Variants in GPC6 observed in about 807,000 individuals in gnomAD.
GPC6 encodes the protein glypican-6.
Under a neutral mutation model 55.2 loss-of-function variants are expected in GPC6, and 14 were observed. The ratio of observed to expected loss-of-function variants is 0.25; its 90% CI spans 0.17 to 0.40. GPC6 has a LOEUF of 0.40. Among genes scored for constraint, GPC6 ranks in the 10% least tolerant of loss-of-function variants. The probability of loss-of-function intolerance (pLI) is 1.00; values close to 1 mark genes in which losing one functional copy is unlikely to be tolerated. For missense variants in GPC6, 641 were observed against 708.5 expected, an observed-to-expected ratio of 0.90 and a Z score of 1.08; for synonymous variants, 278 against 259.6, an observed-to-expected ratio of 1.07 and a Z score of -0.68.
chr13:93,292,077 A>G (rs1878336741), intron 1 of GPC6, among the ~76,000 whole-genome samples: 1 of 152,226 alleles, frequency 6.6e-6, no homozygotes, highest in Admixed American at 6.5e-5. Flanking sequence ...GGTTGACAGT[A>G]TTTCACAATG....
intron 2 of GPC6, among the ~76,000 whole-genome samples, chr13:93,582,580 C>T (rs1334318130): frequency 2.0e-5 from 3 of 152,170 alleles, no homozygotes; most frequent in Admixed American, 2.0e-4. Context: ...GATGAAAGAA[C>T]AGACCTTTAG....
chr13:94,289,228 GAC>G (rs1040006276), intron 5 of GPC6, among the ~76,000 whole-genome samples: 1 of 151,790 alleles, frequency 6.6e-6, no homozygotes, highest in Non-Finnish European at 1.5e-5. Context: ...TCTCAAGTCC[GAC>G]AGAGCTTAAA....
chr13:93,630,961 T>A (rs1344129619), intron 2 of GPC6, among the ~76,000 whole-genome samples: 1 of 152,094 alleles, frequency 6.6e-6, no homozygotes, highest in East Asian at 1.9e-4. Context: ...TGGGCCCTAA[T>A]CCAATCTGAC....
intron 1 of GPC6, among the ~76,000 whole-genome samples, chr13:93,386,518 T>C (rs1237132175): frequency 6.6e-6 from 1 of 152,202 alleles, no homozygotes; most frequent in Non-Finnish European, 1.5e-5. Flanking sequence ...TTGTTAAATC[T>C]ACCCAGCTTC....
chr13:94,010,076 A>G (rs545637645), intron 3 of GPC6, among the ~76,000 whole-genome samples: 20 of 152,278 alleles, frequency 1.3e-4, no homozygotes, highest in East Asian at 3.9e-4. Context: ...GCAAAAACAA[A>G]CCCAAATTGA....
intron 2 of GPC6, among the ~76,000 whole-genome samples, chr13:93,700,876 G>A (rs2138794256): frequency 6.6e-6 from 1 of 152,072 alleles, no homozygotes; most frequent in Non-Finnish European, 1.5e-5. Context: ...AGATTATGTG[G>A]GACAAAATAT....
At chr13:93,808,076 G>A (rs1886591383) in intron 2 of GPC6, among the ~76,000 whole-genome samples, 1 of 152,164 alleles carries the variant, frequency 6.6e-6, no homozygotes, top group African/African-American at 2.4e-5. Context: ...TCACCCTAGT[G>A]TCTGTATAAT....
chr13:93,523,456 CACACATAT>C (rs756175687), intron 1 of GPC6, among the ~76,000 whole-genome samples: 1 of 32,344 alleles, frequency 3.1e-5, no homozygotes, highest in Non-Finnish European at 8.1e-5. Context: ...CACACACATA[CACACATAT>C]GACATTTTAC....
intron 4 of GPC6, among the ~76,000 whole-genome samples, chr13:94,158,994 ACT>A (rs1284533561): frequency 1.3e-5 from 2 of 151,554 alleles, no homozygotes; most frequent in African/African-American, 4.9e-5. Flanking sequence ...ACCCTTTCTC[ACT>A]CCCACCTGTA....
intron 3 of GPC6, among the ~76,000 whole-genome samples, chr13:93,949,880 C>T (rs140837901): frequency 3.3e-5 from 5 of 152,188 alleles, no homozygotes; most frequent in African/African-American, 1.2e-4. Context: ...CTGCATACCA[C>T]CACCCCCGGC....
intron 1 of GPC6, among the ~76,000 whole-genome samples, chr13:93,333,893 T>G (rs553256861): frequency 6.6e-6 from 1 of 152,334 alleles, no homozygotes; most frequent in African/African-American, 2.4e-5. Context: ...TTTACTGAAT[T>G]TATCAGTTCT....
At chr13:93,597,457 A>G (rs1877811592) in intron 2 of GPC6, among the ~76,000 whole-genome samples, 1 of 152,180 alleles carries the variant, frequency 6.6e-6, no homozygotes, top group Non-Finnish European at 1.5e-5. Flanking sequence ...GAGCTGTCTG[A>G]CTGGAACCTG....
At chr13:93,693,461 CTGTGTGTG>C (rs35459356) in intron 2 of GPC6, among the ~76,000 whole-genome samples, 5,952 of 139,388 alleles carry the variant, frequency 0.043, 405 homozygotes, top group African/African-American at 0.15. Context: ...GTATGTATAT[CTGTGTGTG>C]TGTGTGTGTG....
At chr13:93,924,174 C>T (rs1423478143) in intron 3 of GPC6, among the ~76,000 whole-genome samples, 2 of 152,336 alleles carry the variant, frequency 1.3e-5, no homozygotes, top group African/African-American at 4.8e-5. Context: ...CCCATTCATA[C>T]ACCCTCTTTA....
intron 1 of GPC6, among the ~76,000 whole-genome samples, chr13:93,487,340 G>C (rs12875060): frequency 6.6e-6 from 1 of 152,140 alleles, no homozygotes; most frequent in South Asian, 2.1e-4. Context: ...ACTAAGCCTA[G>C]TTATTTTTCC....
At position 94,306,132 on chromosome 13, in the gene GPC6, T is replaced by A. The variant is rs794727797; in HGVS notation, c.1152+9T>A. 2 of 1,614,120 alleles carry A rather than the reference T, an allele frequency of 1.2e-6. No homozygotes were observed. Among genetic ancestry groups the A allele is most frequent in the Non-Finnish European group, 1.7e-6 (2 of 1,179,960 alleles). On this transcript the variant is annotated intron_variant, in intron 6 of 8. Coordinates refer to ENST00000377047, the MANE Select transcript of GPC6 (RefSeq NM_005708.5). Reference sequence around the variant, plus strand: ...CAAGCTTGGACCGGCTGGTGAGTATTCACAGATTGATAACCATGGCGGATG... The same window carrying A: ...CAAGCTTGGACCGGCTGGTGAGTATACACAGATTGATAACCATGGCGGATG...
intron 4 of GPC6, among the ~76,000 whole-genome samples, chr13:94,164,886 A>G (rs1050525506): frequency 3.3e-5 from 5 of 152,268 alleles, no homozygotes; most frequent in East Asian, 3.9e-4. Flanking sequence ...CTATTTTAAT[A>G]TAGATAGGAT....
chr13:94,090,135 C>T (rs531498405), intron 4 of GPC6, among the ~76,000 whole-genome samples: 63 of 152,168 alleles, frequency 4.1e-4, no homozygotes, highest in African/African-American at 1.5e-3. Context: ...GCTTCATAAT[C>T]ATGGCAGAAG....
At chr13:93,810,776 A>G (rs1359779312) in intron 2 of GPC6, among the ~76,000 whole-genome samples, 1 of 152,214 alleles carries the variant, frequency 6.6e-6, no homozygotes, top group Non-Finnish European at 1.5e-5. Context: ...GATCTGCAAA[A>G]TATCACAGCA....
Sources: allele counts gnomAD v4.1 joint callset (sites outside exome capture counted in the v4.1 genomes callset), GRCh38; gene constraint gnomAD v4.1.1; transcripts MANE v1.5; gene names NCBI Gene and HGNC (gene_info 2026-07-23, HGNC 2026-07-21).